Variants in ARL6IP6 observed in about 807,000 individuals in gnomAD.
ARL6IP6 encodes ADP-ribosylation factor-like protein 6-interacting protein 6.
A neutral mutation model predicts 21.5 loss-of-function variants in ARL6IP6; 22 were observed. The ratio of observed to expected loss-of-function variants is 1.02; its 90% CI spans 0.73 to 1.46. The LOEUF (loss-of-function observed/expected upper bound fraction) is 1.46. Among genes scored for constraint, ARL6IP6 ranks in the 40% most tolerant of loss-of-function variants. The pLI, the probability that ARL6IP6 is intolerant of heterozygous loss-of-function variation, is 0.00. For synonymous variants in ARL6IP6, 164 were observed against 125.3 expected (o/e 1.31, Z -2.06); for missense variants, 388 against 299.8 (o/e 1.29, Z -2.17).
chr2:152,733,961 T>G (rs1368007815), intron 2 of ARL6IP6, among the ~76,000 whole-genome samples: 1 of 152,210 alleles, frequency 6.6e-6, no homozygotes, highest in Non-Finnish European at 1.5e-5. Flanking sequence ...ATAAGTGAGT[T>G]AATTTATAAA....
intron 2 of ARL6IP6, among the ~76,000 whole-genome samples, chr2:152,729,646 C>A (rs1700209774): frequency 6.6e-6 from 1 of 151,952 alleles, no homozygotes; most frequent in Non-Finnish European, 1.5e-5. Flanking sequence ...GTGAAAAAAG[C>A]AAAATGCAGA....
At chr2:152,730,012 A>G (rs1040907346) in intron 2 of ARL6IP6, among the ~76,000 whole-genome samples, 1 of 152,152 alleles carries the variant, frequency 6.6e-6, no homozygotes, top group Admixed American at 6.5e-5. Context: ...CTTATTTGCA[A>G]ATGAATTAGG....
intron 2 of ARL6IP6, among the ~76,000 whole-genome samples, chr2:152,732,072 T>G (rs550647205): frequency 4.6e-5 from 7 of 152,142 alleles, no homozygotes; most frequent in African/African-American, 1.7e-4. Context: ...TCAATCTATG[T>G]TATTATGAAC....
chr2:152,752,643 G>T (rs1187074250), intron 3 of ARL6IP6, among the ~76,000 whole-genome samples: 1 of 152,194 alleles, frequency 6.6e-6, no homozygotes, highest in Admixed American at 6.5e-5. Flanking sequence ...TGAGGTCCCT[G>T]TTGGCTGCCT....
intron 2 of ARL6IP6, among the ~76,000 whole-genome samples, chr2:152,722,975 C>G (rs765241510): frequency 1.3e-5 from 2 of 152,174 alleles, no homozygotes; most frequent in Non-Finnish European, 2.9e-5. Flanking sequence ...CAATTCTCTA[C>G]TGTTTTCAAG....
intron 3 of ARL6IP6, among the ~76,000 whole-genome samples, chr2:152,738,729 TTG>T (rs1234936322): frequency 6.6e-6 from 1 of 152,108 alleles, no homozygotes; most frequent in Admixed American, 6.5e-5. Flanking sequence ...GCCTCCCAGC[TTG>T]TGATGGGAGA....
chr2:152,731,027 A>G (rs1488365672), intron 2 of ARL6IP6, among the ~76,000 whole-genome samples: 2 of 152,214 alleles, frequency 1.3e-5, no homozygotes, highest in Non-Finnish European at 2.9e-5. Flanking sequence ...CCTGTTCCAC[A>G]CAAACATTTT....
chr2:152,761,459 A>G lies in ARL6IP6; in HGVS notation c.*1619A>G, dbSNP rs1310854443. On this transcript the variant is annotated 3_prime_UTR_variant, in exon 4 of 4. Transcript: ENST00000326446. ...CTTCTCTCCACCACTCTGTATTCCC[A>G]CGCACCACCAATGTGAGTAACTCCC... 6.6e-6 allele frequency among the ~76,000 whole-genome samples: 1 copy of G among 152,074 alleles called. No homozygotes were observed. Among genetic ancestry groups the G allele is most frequent in the Non-Finnish European group, 1.5e-5 (1 of 68,034 alleles).
At chr2:152,756,563 G>C (rs887313001) in intron 3 of ARL6IP6, among the ~76,000 whole-genome samples, 1 of 151,628 alleles carries the variant, frequency 6.6e-6, no homozygotes, top group Non-Finnish European at 1.5e-5. Flanking sequence ...TTTACAACAC[G>C]TATCTTTAAC....
At chr2:152,747,176 T>C (rs1299339590) in intron 3 of ARL6IP6, among the ~76,000 whole-genome samples, 1 of 152,152 alleles carries the variant, frequency 6.6e-6, no homozygotes, top group Non-Finnish European at 1.5e-5. Flanking sequence ...ATAAGAACAC[T>C]AATGAAAGGA....
chr2:152,733,758 C>G (rs1156464507), intron 2 of ARL6IP6, among the ~76,000 whole-genome samples: 1 of 152,150 alleles, frequency 6.6e-6, no homozygotes, highest in African/African-American at 2.4e-5. Context: ...GTGGTAACAT[C>G]TTATTTATTC....
chr2:152,742,525 G>A lies in ARL6IP6; in HGVS notation c.587+7399G>A, dbSNP rs115008059. On this transcript the variant is annotated intron_variant, in intron 3 of 3. Transcript: ENST00000326446. ...GAAGGCTGCAGTGAGCTATTATATCGTGCCACTGCATTCCAGCCTCAGTGA... is the reference window on the plus strand; with the variant it reads ...GAAGGCTGCAGTGAGCTATTATATCATGCCACTGCATTCCAGCCTCAGTGA... Among the ~76,000 whole-genome samples the A allele has an allele frequency of 5.9e-3, 873 of 146,850 alleles. 5 individuals carry two copies. Among genetic ancestry groups the A allele is most frequent in the African/African-American group, 0.021 (831 of 39,636 alleles).
chr2:152,719,343 T>A (rs533703408), intron 1 of ARL6IP6, among the ~76,000 whole-genome samples: 2 of 152,256 alleles, frequency 1.3e-5, no homozygotes, highest in South Asian at 4.1e-4. Flanking sequence ...ACACCCACCA[T>A]TAAAAGGAGA....
chr2:152,745,857 A>T (rs1049210351), intron 3 of ARL6IP6, among the ~76,000 whole-genome samples: 1 of 152,146 alleles, frequency 6.6e-6, no homozygotes, highest in African/African-American at 2.4e-5. Flanking sequence ...GGGTTAAAGT[A>T]CATGCATATT....
chr2:152,745,903 A>T (rs1701019865), intron 3 of ARL6IP6, among the ~76,000 whole-genome samples: 1 of 149,596 alleles, frequency 6.7e-6, no homozygotes, highest in Non-Finnish European at 1.5e-5. Flanking sequence ...CTGAATGGAG[A>T]TATGCATAGA....
intron 3 of ARL6IP6, among the ~76,000 whole-genome samples, chr2:152,737,214 G>C (rs1700593316): frequency 6.6e-6 from 1 of 151,904 alleles, no homozygotes; most frequent in Non-Finnish European, 1.5e-5. Flanking sequence ...ATGCAATTTT[G>C]AGAAGTCATG....
intron 3 of ARL6IP6, among the ~76,000 whole-genome samples, chr2:152,754,726 G>C (rs1701498461): frequency 6.6e-6 from 1 of 152,020 alleles, no homozygotes; most frequent in Admixed American, 6.6e-5. Flanking sequence ...ACCAACACTT[G>C]TTTTCTTTTT....
intron 1 of ARL6IP6, chr2:152,720,217 TTGAAC>T: frequency 2.6e-6 from 1 of 380,794 alleles, no homozygotes; most frequent in South Asian, 2.5e-5. Context: ...GCAGAAGACA[TTGAAC>T]TGTGCTTATT....
At chr2:152,732,680 A>G (rs1700375596) in intron 2 of ARL6IP6, 3 of 305,814 alleles carry the variant, frequency 9.8e-6, no homozygotes, top group South Asian at 5.6e-5. Context: ...GTTGTCCCTC[A>G]GTATCCATGA....
Sources: allele counts gnomAD v4.1 joint callset (sites outside exome capture counted in the v4.1 genomes callset), GRCh38; gene constraint gnomAD v4.1.1; transcripts MANE v1.5; gene names NCBI Gene and HGNC (gene_info 2026-07-23, HGNC 2026-07-21).